SPG7: variants seen among roughly 807,000 people sequenced by gnomAD.
SPG7 encodes SPG7 matrix AAA peptidase subunit, paraplegin.
SPG7 carries 103 observed loss-of-function variants against 81.9 expected under a neutral mutation model. That is an observed-to-expected ratio of 1.26 (90% CI 1.07 to 1.48). The LOEUF is 1.48. Ranked by LOEUF, SPG7 falls within the 40% of genes most tolerant of loss-of-function variation. SPG7 has a pLI of 0.00. For synonymous variants in SPG7, 534 were observed against 444.2 expected (o/e 1.20, Z -2.54); for missense variants, 1,241 against 1,087.3 (o/e 1.14, Z -1.99).
At chr16:89,530,031 G>A (rs1374473601) in intron 6 of SPG7, 1 of 302,630 alleles carries the variant, frequency 3.3e-6, no homozygotes, top group Non-Finnish European at 6.4e-6. Context: ...TAGAGACGGG[G>A]TTTCTCCATG....
chr16:89,543,036 C>G (rs1369392427), intron 9 of SPG7: 18 of 146,658 alleles, frequency 1.2e-4, no homozygotes, highest in Non-Finnish European at 2.2e-4. Flanking sequence ...CAAGCTCCAC[C>G]CTTCAGGTTC....
chr16:89,548,155 G>A (rs762865432), intron 12 of SPG7, 42 bp downstream of exon 12: 1 of 1,384,652 alleles, frequency 7.2e-7, no homozygotes, highest in East Asian at 2.3e-5. Flanking sequence ...CCTTAGCAGG[G>A]CTTGAACCCC....
chr16:89,529,357 C>T lies in SPG7; in HGVS notation c.759-120C>T, dbSNP rs926646631. 4 of 727,666 alleles carry T rather than the reference C, an allele frequency of 5.5e-6. No homozygotes were observed. The Admixed American group carries it at 8.0e-5, about 15-fold the overall frequency. The allele number at this position is 727,666 out of a possible 1,614,324, so 45.1% of individuals were successfully genotyped here. A position where few individuals can be genotyped will look rare whatever the true frequency, so the allele number is the denominator to read the frequency against. On this transcript the variant is annotated intron_variant, in intron 5 of 16. Coordinates refer to ENST00000645818, the MANE Select transcript of SPG7 (RefSeq NM_003119.4). ...ACCATTTTAATCTGCGCATCGGTCCCAGACGTAGGGATTCCTCGTCTCATC... is the reference window on the plus strand; with the variant it reads ...ACCATTTTAATCTGCGCATCGGTCCTAGACGTAGGGATTCCTCGTCTCATC...
Position 89,508,424 on chromosome 16 carries a change from G to GTGCTGCTGC in SPG7, c.15_23dup (p.Leu6_Leu8dup). 4.0e-6 allele frequency: 6 copies of GTGCTGCTGC among 1,490,712 alleles called. No individual in the cohort carries two copies. The highest frequency in any genetic ancestry group is 5.3e-6 in the Non-Finnish European group (6 of 1,127,128). 92.3% of individuals were successfully genotyped at this position (1,490,712 alleles called of 1,614,324 possible). On this transcript the variant is annotated inframe_insertion, in exon 1 of 17. Transcript: ENST00000645818. ...GCGCGGCTTTCAGGCCAACATGGCC[G>GTGCTGCTGC]TGCTGCTGCTGCTGCTCCGTGCCCT...
chr16:89,511,879 C>G lies in SPG7; in HGVS notation c.287-1069C>G, dbSNP rs961830978. Among the ~76,000 whole-genome samples the G allele has an allele frequency of 2.0e-5, 3 of 151,594 alleles. No homozygotes were observed. In the Admixed American group the frequency reaches 2.0e-4, roughly 10 times the overall value. ...GAAGTCAGGCATGTGTCACCACGTA[C>G]AGCTACATTTTTGTGTTGTTGTTGT... On this transcript the variant is annotated intron_variant, in intron 2 of 16. Coordinates refer to ENST00000645818, the MANE Select transcript of SPG7 (RefSeq NM_003119.4).
At chr16:89,522,496 G>A (rs1474377868) in intron 3 of SPG7, 1 of 151,942 alleles carries the variant, frequency 6.6e-6, no homozygotes, top group African/African-American at 2.4e-5. Flanking sequence ...CCACCGCTGG[G>A]TCTGTGGCGG....
rs762918022 is a variant in SPG7, at chr16:89,530,717, A to T, written c.896A>T (p.Asp299Val). ...QLKMARFTIV[D>V]GKMGKGVSFK... is the part of the protein sequence containing the mutation. ...AAAATGGCTCGTTTCACCATTGTGGATGGGAAGATGGGGAAAGGAGTCAGC... is the reference window on the plus strand; with the variant it reads ...AAAATGGCTCGTTTCACCATTGTGGTTGGGAAGATGGGGAAAGGAGTCAGC... The change falls in exon 7 of 17, where the codon GAT (aspartate) becomes GTT (valine). Residue 299 changes from aspartate to valine, a missense_variant. Asp to Val is a radical substitution (Grantham distance 152, BLOSUM62 -3). Transcript: ENST00000645818. 6.2e-7 allele frequency: 1 copy of T among 1,613,960 alleles called. No individual in the cohort carries two copies. Among genetic ancestry groups the T allele is most frequent in the African/African-American group, 1.3e-5 (1 of 74,868 alleles).
chr16:89,553,256 A>G, intron 14 of SPG7, 121 bp downstream of exon 14: 2 of 1,052,932 alleles, frequency 1.9e-6, no homozygotes, highest in Non-Finnish European at 2.8e-6. Context: ...TTTATTAAGT[A>G]TTTTGTAAAA....
At chr16:89,547,094 G>A (rs2058574452) in intron 11 of SPG7, 6 of 349,100 alleles carry the variant, frequency 1.7e-5, no homozygotes, top group Admixed American at 8.2e-5. Context: ...ACGCAGTCCC[G>A]GCAAAGCCGC....
rs895749122 is a variant in SPG7 at position 89,529,011 on chromosome 16, A to G, written c.759-466A>G. The G allele has an allele frequency of 1.8e-5, 4 of 223,092 alleles. No homozygotes were observed. In the South Asian group the frequency reaches 1.8e-4, roughly 10 times the overall value. 13.8% of individuals were successfully genotyped at this position (223,092 alleles called of 1,614,324 possible). On this transcript the variant is annotated intron_variant, in intron 5 of 16. Coordinates refer to ENST00000645818, the MANE Select transcript of SPG7 (RefSeq NM_003119.4). ...ATTTTTTTAGTAGATATGGGGTTTT[A>G]CCATGTTGGCCAGGCTGGTCTCAAA... is the stretch of plus-strand genomic sequence containing the variant.
chr16:89,521,867 C>T (rs2058191654), intron 3 of SPG7: 1 of 152,188 alleles, frequency 6.6e-6, no homozygotes, highest in Non-Finnish European at 1.5e-5. Flanking sequence ...GATCGTCCCT[C>T]CAGGGCAGCT....
At chr16:89,546,569 G>T (rs1160682397) in intron 10 of SPG7, 89 bp from the exon 11 acceptor site, 2 of 932,292 alleles carry the variant, frequency 2.1e-6, no homozygotes, top group African/African-American at 3.5e-5. Flanking sequence ...AGCTACTTGG[G>T]GACCCCCCCC....
At chr16:89,541,475 G>A (rs2058495733) in intron 9 of SPG7, 2 of 353,998 alleles carry the variant, frequency 5.6e-6, no homozygotes, top group African/African-American at 4.4e-5. Context: ...GAGGAGGGAT[G>A]CCTCTGGGGA....
intron 9 of SPG7, chr16:89,537,532 C>A: frequency 1.0e-6 from 1 of 988,364 alleles, no homozygotes; most frequent in Non-Finnish European, 1.2e-6. Context: ...TTTTATGCTT[C>A]GACTTTTTTT....
intron 3 of SPG7, chr16:89,517,829 T>C (rs2058123924): frequency 6.6e-6 from 1 of 152,128 alleles, no homozygotes; most frequent in African/African-American, 2.4e-5. Context: ...CCATGTGAGC[T>C]AGGATGATCT....
chr16:89,520,841 G>C (rs905681590), intron 3 of SPG7: 1 of 152,172 alleles, frequency 6.6e-6, no homozygotes, highest in Non-Finnish European at 1.5e-5. Flanking sequence ...CATTGCGTCC[G>C]GCTGGAATTT....
chr16:89,554,942 G>A (rs2058672025), intron 16 of SPG7: 4 of 265,568 alleles, frequency 1.5e-5, no homozygotes, highest in Admixed American at 5.1e-5. Flanking sequence ...TTGAGACAAA[G>A]TCTTGCTCTG....
At chr16:89,531,215 G>A (rs1398041068) in intron 7 of SPG7, 4 of 350,322 alleles carry the variant, frequency 1.1e-5, no homozygotes, top group East Asian at 7.3e-5. Context: ...CTGGCACCTC[G>A]AGGGGCTGAC....
At chr16:89,529,720 C>A in intron 6 of SPG7, 141 bp downstream of exon 6, 1 of 720,518 alleles carries the variant, frequency 1.4e-6, no homozygotes, top group Non-Finnish European at 2.5e-6. Flanking sequence ...AGCAGCTCAC[C>A]TTCCTTTCCC....
Sources: allele counts gnomAD v4.1 joint callset (sites outside exome capture counted in the v4.1 genomes callset), GRCh38; gene constraint gnomAD v4.1.1; transcripts MANE v1.5; gene names NCBI Gene and HGNC (gene_info 2026-07-23, HGNC 2026-07-21).